The following CLEC2L variants were observed in gnomAD, a reference collection of about 807,000 sequenced individuals.
CLEC2L encodes C-type lectin domain family 2, member L.
Under a neutral mutation model 23.6 loss-of-function variants are expected in CLEC2L, and 14 were observed. The ratio of observed to expected loss-of-function variants is 0.59; its 90% CI spans 0.39 to 0.93. The LOEUF (loss-of-function observed/expected upper bound fraction) is 0.93, where lower values mean the gene tolerates loss of function less well. CLEC2L is among the 40% of genes least tolerant of loss of function. The probability of loss-of-function intolerance (pLI) is 0.00; values close to 1 mark genes in which losing one functional copy is unlikely to be tolerated. For synonymous variants in CLEC2L, 114 were observed against 121.3 expected (o/e 0.94, Z 0.40); for missense variants, 264 against 282.4 (o/e 0.93, Z 0.47).
At chr7:139,533,886 G>C (rs1283814325) in intron 1 of CLEC2L, among the ~76,000 whole-genome samples, 1 of 152,134 alleles carries the variant, frequency 6.6e-6, no homozygotes, top group Non-Finnish European at 1.5e-5. Context: ...GACAAACATT[G>C]AGCTGCAGAG....
At chr7:139,532,665 G>A (rs1797596909) in intron 1 of CLEC2L, among the ~76,000 whole-genome samples, 1 of 152,112 alleles carries the variant, frequency 6.6e-6, no homozygotes. Flanking sequence ...AGGTCATGAG[G>A]GTAGAGCTCC....
intron 1 of CLEC2L, among the ~76,000 whole-genome samples, chr7:139,529,442 A>G (rs1797547887): frequency 6.6e-6 from 1 of 152,248 alleles, no homozygotes; most frequent in Admixed American, 6.5e-5. Context: ...ACAAAGGATT[A>G]CAGCATCAAT....
At chr7:139,530,345 G>A (rs1425504873) in intron 1 of CLEC2L, among the ~76,000 whole-genome samples, 1 of 152,214 alleles carries the variant, frequency 6.6e-6, no homozygotes, top group South Asian at 2.1e-4. Context: ...GAGAGCAGAG[G>A]AGTTACCTGA....
intron 2 of CLEC2L, among the ~76,000 whole-genome samples, chr7:139,538,370 T>G (rs1221553102): frequency 6.7e-6 from 1 of 148,886 alleles, no homozygotes; most frequent in East Asian, 2.0e-4. Context: ...GAAGCAGAGG[T>G]TGCAATGAGC....
At chr7:139,542,169 G>A (rs1351221094) in intron 4 of CLEC2L, 48 bp downstream of exon 4, 2 of 1,316,882 alleles carry the variant, frequency 1.5e-6, no homozygotes, top group African/African-American at 1.5e-5. Flanking sequence ...ACTGAGAAAG[G>A]CCTGACTCAC....
intron 1 of CLEC2L, among the ~76,000 whole-genome samples, chr7:139,525,131 GCCAGCCAGGCCTTGC>G (rs1797488760): frequency 1.3e-5 from 2 of 152,252 alleles, no homozygotes; most frequent in Admixed American, 1.3e-4. Context: ...ACGGTGAAGG[GCCAGCCAGGCCTTGC>G]CCAGGAGCTT....
At chr7:139,531,139 A>C (rs1797577283) in intron 1 of CLEC2L, among the ~76,000 whole-genome samples, 1 of 152,162 alleles carries the variant, frequency 6.6e-6, no homozygotes, top group African/African-American at 2.4e-5. Context: ...TGCCTTAATC[A>C]TGAACAGATA....
chr7:139,541,329 A>G (rs1797732677), intron 3 of CLEC2L, among the ~76,000 whole-genome samples: 1 of 126,818 alleles, frequency 7.9e-6, no homozygotes, highest in Non-Finnish European at 1.5e-5. Flanking sequence ...TCTCTTAAGG[A>G]AAAAAAAAAA....
intron 4 of CLEC2L, among the ~76,000 whole-genome samples, chr7:139,542,892 G>A (rs185996714): frequency 6.6e-6 from 1 of 152,282 alleles, no homozygotes; most frequent in African/African-American, 2.4e-5. Flanking sequence ...AGAAATGCAG[G>A]GAAGTGTGCA....
chr7:139,524,077 G>C lies in CLEC2L; in HGVS notation c.150G>C (p.Ser50=). 2 of 1,226,160 alleles carry C rather than the reference G, an allele frequency of 1.6e-6. No homozygotes were observed. The highest frequency in any genetic ancestry group is 2.0e-6 in the Non-Finnish European group (2 of 982,004). 76.0% of individuals were successfully genotyped at this position (1,226,160 alleles called of 1,614,324 possible). A position where few individuals can be genotyped will look rare whatever the true frequency, so the allele number is the denominator to read the frequency against. Residue 50 remains serine, a synonymous_variant, in exon 1 of 5, where the codon TCG becomes TCC. Transcript: ENST00000422142. ...GPEGLLRRSG[S]GYEGSTSWKA... ...AGGGGCTGCTGCGGCGATCCGGGTCGGGCTACGAGGGCAGCACCAGCTGGA... is the reference window on the plus strand; with the variant it reads ...AGGGGCTGCTGCGGCGATCCGGGTCCGGCTACGAGGGCAGCACCAGCTGGA...
chr7:139,536,047 G>C (rs1288976395), intron 1 of CLEC2L, among the ~76,000 whole-genome samples: 1 of 152,246 alleles, frequency 6.6e-6, no homozygotes, highest in Non-Finnish European at 1.5e-5. Context: ...GCTCATGCCT[G>C]TAATCCCAGC....
chr7:139,544,396 G>A lies in CLEC2L; in HGVS notation c.*54G>A, dbSNP rs1176682075. The A allele has an allele frequency of 1.5e-5, 20 of 1,302,574 alleles. No homozygotes were observed. The highest frequency in any genetic ancestry group is 2.2e-5 in the Non-Finnish European group (20 of 917,148). The allele number at this position is 1,302,574 out of a possible 1,614,324, so 80.7% of individuals were successfully genotyped here. On this transcript the variant is annotated 3_prime_UTR_variant, in exon 5 of 5. Transcript: ENST00000422142. ...CCTAGGCCTGTGGGAGGTGTCTGGT[G>A]TCTGCTCAAGACCTGCTTCCAGCGG... is the stretch of plus-strand genomic sequence containing the variant.
intron 2 of CLEC2L, 70 bp downstream of exon 2, chr7:139,536,418 T>C: frequency 7.5e-7 from 1 of 1,333,884 alleles, no homozygotes; most frequent in East Asian, 2.5e-5. Context: ...GTCTAATTAG[T>C]TAAAGAAAGA....
rs1797469815 is a variant in CLEC2L, at chr7:139,524,050, C to T, written c.123C>T (p.Pro41=). 2.5e-6 allele frequency: 3 copies of T among 1,214,418 alleles called. No homozygotes were observed. The highest frequency in any genetic ancestry group is 3.1e-6 in the Non-Finnish European group (3 of 975,418). 75.2% of individuals were successfully genotyped at this position (1,214,418 alleles called of 1,614,324 possible). The change falls in exon 1 of 5, where the codon CCC becomes CCT. Residue 41 remains proline, a synonymous_variant. Transcript: ENST00000422142. ...RSPAEAEARG[P]EGLLRRSGSG... is the part of the protein sequence containing the mutation. Reference sequence around the variant, plus strand: ...CCGCAGAGGCTGAGGCCCGCGGCCCCGAGGGGCTGCTGCGGCGATCCGGGT... The same window carrying T: ...CCGCAGAGGCTGAGGCCCGCGGCCCTGAGGGGCTGCTGCGGCGATCCGGGT...
At chr7:139,530,861 T>A (rs981362454) in intron 1 of CLEC2L, among the ~76,000 whole-genome samples, 1 of 147,546 alleles carries the variant, frequency 6.8e-6, no homozygotes, top group Admixed American at 6.7e-5. Context: ...ATCACCACAC[T>A]GAGAGCAAGC....
At chr7:139,529,259 A>G (rs865897452) in intron 1 of CLEC2L, among the ~76,000 whole-genome samples, 2 of 152,226 alleles carry the variant, frequency 1.3e-5, no homozygotes, top group Admixed American at 6.5e-5. Context: ...CTGAATTCCT[A>G]TAACTCTCTA....
At chr7:139,537,017 C>T (rs1314494019) in intron 2 of CLEC2L, among the ~76,000 whole-genome samples, 1 of 146,716 alleles carries the variant, frequency 6.8e-6, no homozygotes, top group Non-Finnish European at 1.5e-5. Context: ...ATTCAGTCAG[C>T]ATTTATTGAG....
intron 4 of CLEC2L, 100 bp downstream of exon 4, chr7:139,542,221 G>T (rs1797746137): frequency 3.9e-6 from 3 of 763,042 alleles, no homozygotes; most frequent in Non-Finnish European, 6.4e-6. Flanking sequence ...CTTGTTTTGT[G>T]CTAGCTAGAG....
rs1304509315 is a variant in CLEC2L, at chr7:139,540,661, G to A, written c.432+174G>A. 6.6e-6 allele frequency among the ~76,000 whole-genome samples: 1 copy of A among 152,190 alleles called. No homozygotes were observed. The highest frequency in any genetic ancestry group is 1.5e-5 in the Non-Finnish European group (1 of 68,034). On this transcript the variant is annotated intron_variant, in intron 3 of 4. Coordinates refer to ENST00000422142, the MANE Select transcript of CLEC2L (RefSeq NM_001080511.4). This position sits in a 1 kb window ranked among gnomAD's most constrained non-coding sequence, Gnocchi z 5.8. ...CAGGCAGACCTCACAGTCTGAGCAG[G>A]TCAATGAGTGGCTCCAGTTTCCACT...
Sources: gnomAD v4.1 joint callset for allele counts (sites outside exome capture counted in the v4.1 genomes callset) on GRCh38, gnomAD v4.1.1 for gene constraint, Gnocchi (gnomAD v3.1) non-coding constraint, MANE v1.5 for transcripts, NCBI Gene and HGNC (gene_info 2026-07-23, HGNC 2026-07-21) for gene names.